Variants in UNC13C observed in about 807,000 individuals in gnomAD.
UNC13C encodes unc-13 homolog C, also known as protein unc-13 homolog C.
A neutral mutation model predicts 245.4 loss-of-function variants in UNC13C; 174 were observed. The ratio of observed to expected loss-of-function variants is 0.71; its 90% confidence interval spans 0.63 to 0.80. UNC13C has a LOEUF of 0.80. Among genes scored for constraint, UNC13C ranks in the 30% least tolerant of loss-of-function variants. The pLI is 0.00. For synonymous variants in UNC13C, 992 were observed against 895.1 expected (o/e 1.11, Z -1.93); for missense variants, 2,829 against 2,602.9 (o/e 1.09, Z -1.89).
intron 30 of UNC13C, among the ~76,000 whole-genome samples, chr15:54,576,316 C>T (rs969529126): frequency 2.6e-5 from 4 of 152,224 alleles, no homozygotes; most frequent in African/African-American, 9.6e-5. Context: ...TATCATTATT[C>T]CTTCCCACAG....
At chr15:53,856,568 A>G in the UNC13C span, among the ~76,000 whole-genome samples, 2 of 152,136 alleles carry the variant, frequency 1.3e-5, no homozygotes, top group East Asian at 3.9e-4. Context: ...GTCATTCAGG[A>G]ACAGGTTTTT....
chr15:54,387,354 A>C (rs1038762313), intron 17 of UNC13C, among the ~76,000 whole-genome samples: 1 of 152,198 alleles, frequency 6.6e-6, no homozygotes, highest in African/African-American at 2.4e-5. Context: ...TCTTTCCTTT[A>C]AACCATGTAA....
the UNC13C span, among the ~76,000 whole-genome samples, chr15:53,918,258 C>A: frequency 2.0e-5 from 3 of 151,432 alleles, no homozygotes; most frequent in Non-Finnish European, 4.4e-5. Flanking sequence ...GTGTGCTGCT[C>A]TCACAGGCTA....
chr15:54,444,215 C>T (rs1596383825), intron 19 of UNC13C, among the ~76,000 whole-genome samples: 1 of 151,576 alleles, frequency 6.6e-6, no homozygotes, highest in East Asian at 1.9e-4. Flanking sequence ...AATATGACTT[C>T]TCCTGCTCAA....
intron 17 of UNC13C, among the ~76,000 whole-genome samples, chr15:54,379,465 C>A (rs955371966): frequency 6.6e-6 from 1 of 152,066 alleles, no homozygotes; most frequent in African/African-American, 2.4e-5. Context: ...TTTAATCTGA[C>A]TTTATTATAA....
At chr15:54,001,962 T>C (rs1396325793) in intron 1 of UNC13C, among the ~76,000 whole-genome samples, 1 of 152,208 alleles carries the variant, frequency 6.6e-6, no homozygotes, top group African/African-American at 2.4e-5. Flanking sequence ...TTGAACAGTA[T>C]GATGCGGTAT....
At chr15:54,588,916 G>T (rs1898626266) in intron 30 of UNC13C, among the ~76,000 whole-genome samples, 1 of 152,154 alleles carries the variant, frequency 6.6e-6, no homozygotes, top group Admixed American at 6.5e-5. Context: ...CCACAGTTTT[G>T]CAATTGTGAA....
intron 19 of UNC13C, among the ~76,000 whole-genome samples, chr15:54,426,744 T>A (rs1466701360): frequency 6.6e-6 from 1 of 151,742 alleles, no homozygotes; most frequent in Admixed American, 6.6e-5. Context: ...AGTACGAAAA[T>A]CTGTCTCCAT....
intron 30 of UNC13C, among the ~76,000 whole-genome samples, chr15:54,600,901 C>A (rs1406677382): frequency 6.6e-6 from 1 of 152,040 alleles, no homozygotes; most frequent in East Asian, 1.9e-4. Context: ...GGTGTCCAAT[C>A]TTTTGACTTC....
intron 4 of UNC13C, among the ~76,000 whole-genome samples, chr15:54,161,835 C>G (rs898085594): frequency 6.6e-6 from 1 of 152,036 alleles, no homozygotes; most frequent in African/African-American, 2.4e-5. Flanking sequence ...GTAGTCCCAG[C>G]TACTCGGGAG....
intron 2 of UNC13C, among the ~76,000 whole-genome samples, chr15:54,074,824 G>C (rs1027291041): frequency 6.6e-6 from 1 of 152,044 alleles, no homozygotes; most frequent in Non-Finnish European, 1.5e-5. Context: ...TCTGCAAACA[G>C]AGACAATTTG....
chr15:54,205,573 A>G (rs1567096599), intron 4 of UNC13C, among the ~76,000 whole-genome samples: 1 of 152,004 alleles, frequency 6.6e-6, no homozygotes, highest in Non-Finnish European at 1.5e-5. Context: ...AACCATAGTA[A>G]TCGATGATGG....
intron 17 of UNC13C, among the ~76,000 whole-genome samples, chr15:54,362,029 G>C (rs146456820): frequency 3.6e-4 from 55 of 152,234 alleles, no homozygotes; most frequent in Middle Eastern, 6.8e-3. Flanking sequence ...TATGGCCAGG[G>C]ATTTGGGCCT....
At chr15:54,197,991 G>A (rs752700720) in intron 4 of UNC13C, among the ~76,000 whole-genome samples, 1 of 152,164 alleles carries the variant, frequency 6.6e-6, no homozygotes, top group Non-Finnish European at 1.5e-5. Flanking sequence ...TATGATGGGA[G>A]TGAGACAGGC....
At chr15:54,263,991 C>G (rs74013568) in intron 8 of UNC13C, among the ~76,000 whole-genome samples, 177 bp from the exon 9 acceptor site, 2 of 151,968 alleles carry the variant, frequency 1.3e-5, no homozygotes, top group East Asian at 3.9e-4. Context: ...CAAAGGAGTA[C>G]TAGTTGTTGT....
chr15:54,583,135 A>C (rs1010902765), intron 30 of UNC13C, among the ~76,000 whole-genome samples: 1 of 152,166 alleles, frequency 6.6e-6, no homozygotes, highest in Non-Finnish European at 1.5e-5. Flanking sequence ...ACCGTTGTTA[A>C]GCCTCACGCC....
chr15:54,024,618 T>C (rs1443753910), intron 2 of UNC13C, among the ~76,000 whole-genome samples: 3 of 152,024 alleles, frequency 2.0e-5, no homozygotes, highest in Non-Finnish European at 4.4e-5. Context: ...ATGCTTCTGT[T>C]AAAAAAATAT....
intron 30 of UNC13C, among the ~76,000 whole-genome samples, chr15:54,580,743 T>C (rs1037755091): frequency 6.6e-6 from 1 of 152,336 alleles, no homozygotes; most frequent in South Asian, 2.1e-4. Flanking sequence ...GGTGACTCTT[T>C]CGTTTACAAA....
the UNC13C span, among the ~76,000 whole-genome samples, chr15:53,916,048 A>G: frequency 6.6e-6 from 1 of 152,218 alleles, no homozygotes; most frequent in Admixed American, 6.5e-5. Flanking sequence ...TGTATTTTTG[A>G]AATAAAACTG....
Sources: allele counts gnomAD v4.1 joint callset (sites outside exome capture counted in the v4.1 genomes callset), GRCh38; gene constraint gnomAD v4.1.1; transcripts MANE v1.5; gene names NCBI Gene and HGNC (gene_info 2026-07-23, HGNC 2026-07-21).